DHRSX: variants seen among roughly 807,000 people sequenced by gnomAD.
DHRSX encodes the protein polyprenol dehydrogenase.
In DHRSX, 31 loss-of-function variants were observed where a neutral mutation model predicts 34.0. The ratio of observed to expected loss-of-function variants is 0.91; its 90% CI spans 0.69 to 1.23. The LOEUF is 1.23. Ranked by LOEUF, DHRSX falls within the 50% of genes most tolerant of loss-of-function variation. The pLI is 0.00. For synonymous variants in DHRSX, 201 were observed against 183.8 expected, an observed-to-expected ratio of 1.09 and a Z score of -0.76; for missense variants, 414 against 428.1, an observed-to-expected ratio of 0.97 and a Z score of 0.29.
At chrX:2,246,473 A>G (rs1247996156) in intron 5 of DHRSX, among the ~76,000 whole-genome samples, 2 of 151,918 alleles carry the variant, frequency 1.3e-5, no homozygotes, top group Non-Finnish European at 2.9e-5. Flanking sequence ...AATACAAAAA[A>G]TTAGCTGGAC....
At chrX:2,378,224 T>A (rs2092908450) in intron 3 of DHRSX, among the ~76,000 whole-genome samples, 1 of 152,256 alleles carries the variant, frequency 6.6e-6, no homozygotes, top group Admixed American at 6.5e-5. Context: ...GTGGTCAGCC[T>A]GCCTTGGCTG....
At chrX:2,341,590 C>T (rs1474892588) in intron 3 of DHRSX, among the ~76,000 whole-genome samples, 1 of 149,668 alleles carries the variant, frequency 6.7e-6, no homozygotes, top group Non-Finnish European at 1.5e-5. Flanking sequence ...TCCTTTTTTA[C>T]ATCTGCAAAG....
chrX:2,442,555 T>G (rs2044077068), intron 1 of DHRSX, among the ~76,000 whole-genome samples: 2 of 151,940 alleles, frequency 1.3e-5, no homozygotes, highest in Admixed American at 6.6e-5. Flanking sequence ...GCGTCACGCC[T>G]AGTTATCATG....
intron 4 of DHRSX, among the ~76,000 whole-genome samples, chrX:2,283,345 G>C (rs1025024254): frequency 2.0e-5 from 3 of 152,020 alleles, no homozygotes; most frequent in African/African-American, 7.2e-5. Flanking sequence ...AACCACTACG[G>C]AACAGAAAGC....
chrX:2,376,942 C>T (rs1406418236), intron 3 of DHRSX, among the ~76,000 whole-genome samples: 2 of 151,226 alleles, frequency 1.3e-5, no homozygotes, highest in East Asian at 1.9e-4. Context: ...TGCAGTGAGC[C>T]GAGATCACAC....
Position 2,259,325 on chromosome X carries a change from GATATAGATAT to G in DHRSX, c.596+7405_596+7414del, listed in dbSNP as rs1029443062. On this transcript the variant is annotated intron_variant, in intron 5 of 6. Coordinates refer to ENST00000334651, the MANE Select transcript of DHRSX (RefSeq NM_145177.3). ...AGATATAGATATAGATATATAGATA[GATATAGATAT>G]ATATAGATATAGATATATAGATAGA... Among the ~76,000 whole-genome samples, 318 of 144,768 alleles carry G rather than the reference GATATAGATAT, an allele frequency of 2.2e-3. 5 individuals are homozygous for G. Among genetic ancestry groups the G allele is most frequent in the Admixed American group, 4.5e-3 (64 of 14,312 alleles). 95.0% of individuals were successfully genotyped at this position (144,768 alleles called of 152,430 possible).
At chrX:2,397,168 T>C (rs1324403805) in intron 3 of DHRSX, among the ~76,000 whole-genome samples, 1 of 151,806 alleles carries the variant, frequency 6.6e-6, no homozygotes, top group African/African-American at 2.4e-5. Flanking sequence ...CTGACTAATT[T>C]TTTTATTTAG....
rs112147541 is a variant in DHRSX, at chrX:2,363,193, G to A, written c.286+45552C>T. Among the ~76,000 whole-genome samples the A allele has an allele frequency of 3.5e-4, 32 of 91,944 alleles. No homozygotes were observed. The Middle Eastern group carries it at 0.023, about 67-fold the overall frequency. 60.3% of individuals were successfully genotyped at this position (91,944 alleles called of 152,430 possible). ...GCCGCCATTTTATCACCGTTCTATG[G>A]TATCATGCCGCCATTTTATCACCGT... On this transcript the variant is annotated intron_variant, in intron 3 of 6. Transcript: ENST00000334651.
chrX:2,324,203 T>G (rs1459427358), intron 3 of DHRSX, among the ~76,000 whole-genome samples: 1 of 152,102 alleles, frequency 6.6e-6, no homozygotes, highest in African/African-American at 2.4e-5. Context: ...AGGACCCATT[T>G]CCCTCCAAGG....
At chrX:2,473,824 G>A (rs1408859335) in intron 1 of DHRSX, among the ~76,000 whole-genome samples, 1 of 140,062 alleles carries the variant, frequency 7.1e-6, no homozygotes, top group Non-Finnish European at 1.5e-5. Context: ...AAAGATTCAG[G>A]TTCTGAATCT....
intron 3 of DHRSX, among the ~76,000 whole-genome samples, chrX:2,343,704 A>C (rs1294583318): frequency 2.0e-5 from 3 of 152,222 alleles, no homozygotes; most frequent in Admixed American, 2.0e-4. Flanking sequence ...CTCCAGGGCC[A>C]GGCCAGGAGA....
At chrX:2,390,144 CT>C (rs575599788) in intron 3 of DHRSX, among the ~76,000 whole-genome samples, 38,112 of 127,984 alleles carry the variant, frequency 0.3, 5,558 homozygotes, top group Middle Eastern at 0.37. Context: ...GCATTTTAAC[CT>C]TTTTTTTTTT....
intron 3 of DHRSX, among the ~76,000 whole-genome samples, chrX:2,303,899 AAATG>A (rs1322416702): frequency 1.8e-4 from 11 of 60,382 alleles, no homozygotes; most frequent in African/African-American, 6.9e-4. Flanking sequence ...ATGGATGGAT[AAATG>A]GATGGATGGA....
intron 1 of DHRSX, among the ~76,000 whole-genome samples, chrX:2,474,196 C>T (rs1289729288): frequency 3.9e-5 from 6 of 152,030 alleles, no homozygotes; most frequent in Admixed American, 1.3e-4. Context: ...GAACTGAAGA[C>T]GTTTTCTAAG....
chrX:2,477,603 T>C (rs2044700242), intron 1 of DHRSX, among the ~76,000 whole-genome samples: 1 of 152,088 alleles, frequency 6.6e-6, no homozygotes, highest in Non-Finnish European at 1.5e-5. Flanking sequence ...CTCAACACTT[T>C]GGGAGGCCGA....
intron 6 of DHRSX, among the ~76,000 whole-genome samples, chrX:2,229,643 TTGTA>T (rs912352900): frequency 5.9e-5 from 9 of 151,852 alleles, no homozygotes; most frequent in African/African-American, 9.7e-5. Flanking sequence ...TATTGTATGA[TTGTA>T]TGTGCATGTC....
At chrX:2,249,716 G>A (rs1214780067) in intron 5 of DHRSX, among the ~76,000 whole-genome samples, 1 of 151,270 alleles carries the variant, frequency 6.6e-6, no homozygotes, top group Non-Finnish European at 1.5e-5. Context: ...TAGAGATGGG[G>A]TGTCACTGTG....
At chrX:2,411,333 G>A (rs28595807) in intron 2 of DHRSX, among the ~76,000 whole-genome samples, 3,099 of 151,970 alleles carry the variant, frequency 0.02, 113 homozygotes, top group African/African-American at 0.072. Context: ...AGCGGATCAC[G>A]AGGTCAGGAG....
At chrX:2,458,726 G>A (rs942294473) in intron 1 of DHRSX, among the ~76,000 whole-genome samples, 15 of 152,136 alleles carry the variant, frequency 9.9e-5, no homozygotes, top group Admixed American at 3.3e-4. Context: ...GGCCAGGAGC[G>A]GTGGCTCATG....
Sources: allele counts gnomAD v4.1 joint callset (sites outside exome capture counted in the v4.1 genomes callset), GRCh38; gene constraint gnomAD v4.1.1; transcripts MANE v1.5; gene names NCBI Gene and HGNC (gene_info 2026-07-23, HGNC 2026-07-21).